GABRG3: variants seen among roughly 807,000 people sequenced by gnomAD.
GABRG3 encodes the protein gamma-aminobutyric acid type A receptor subunit gamma3.
GABRG3 carries 25 observed loss-of-function variants against 48.8 expected under a neutral mutation model. The observed-to-expected ratio is 0.51, with a 90% CI of 0.37 to 0.72. The LOEUF (loss-of-function observed/expected upper bound fraction) is 0.72, where lower values mean the gene tolerates loss of function less well. GABRG3 is among the 30% of genes least tolerant of loss of function. The pLI, the probability that GABRG3 is intolerant of heterozygous loss-of-function variation, is 0.00. For missense variants in GABRG3, 394 were observed against 577.9 expected (o/e 0.68, Z 3.26); for synonymous variants, 227 against 217.6 (o/e 1.04, Z -0.38).
chr15:27,336,234 G>GAAAGAAA (rs1555372729), intron 5 of GABRG3, among the ~76,000 whole-genome samples: 1 of 141,056 alleles, frequency 7.1e-6, no homozygotes, highest in Non-Finnish European at 1.5e-5. Context: ...GAGAGAGAGA[G>GAAAGAAA]GAGAAGAAAA....
intron 3 of GABRG3, among the ~76,000 whole-genome samples, chr15:27,183,649 G>A (rs530677092): frequency 6.6e-6 from 1 of 152,314 alleles, no homozygotes; most frequent in East Asian, 1.9e-4. Flanking sequence ...TAATGCACAA[G>A]CATACATTTC....
chr15:27,107,852 T>C (rs953090472), intron 3 of GABRG3, among the ~76,000 whole-genome samples: 4 of 151,818 alleles, frequency 2.6e-5, no homozygotes, highest in African/African-American at 9.7e-5. Flanking sequence ...ATTTATCAAA[T>C]TTGCATAGAA....
chr15:26,985,625 C>G (rs2140641856), intron 2 of GABRG3, among the ~76,000 whole-genome samples: 1 of 152,114 alleles, frequency 6.6e-6, no homozygotes, highest in East Asian at 1.9e-4. Flanking sequence ...ATTGGATTAG[C>G]CAGTGGAAAG....
chr15:27,017,459 G>T (rs979884816), intron 2 of GABRG3, among the ~76,000 whole-genome samples: 1 of 152,140 alleles, frequency 6.6e-6, no homozygotes, highest in African/African-American at 2.4e-5. Context: ...TCTGGTGGTA[G>T]AACAAACCCT....
chr15:27,344,252 A>G (rs779946899), intron 5 of GABRG3, among the ~76,000 whole-genome samples: 16 of 152,224 alleles, frequency 1.1e-4, no homozygotes, highest in Non-Finnish European at 7.3e-5. Flanking sequence ...TATCAGAGAC[A>G]CTGGGGCCAA....
chr15:26,976,178 T>A lies in GABRG3; in HGVS notation c.54-824T>A, dbSNP rs1402254369. ...TCCTGAGGCCTCTCCATTCAGGCACTCCTGTCAGTGTGTGTCACACGGGAG... is the reference window on the plus strand; with the variant it reads ...TCCTGAGGCCTCTCCATTCAGGCACACCTGTCAGTGTGTGTCACACGGGAG... On this transcript the variant is annotated intron_variant, in intron 1 of 9. Coordinates refer to ENST00000615808, the MANE Select transcript of GABRG3 (RefSeq NM_033223.5). This position sits in a 1 kb window ranked among gnomAD's most constrained non-coding sequence, Gnocchi z 7.8. Among the ~76,000 whole-genome samples the A allele has an allele frequency of 6.6e-6, 1 of 150,720 alleles. No homozygotes were observed. Among genetic ancestry groups the A allele is most frequent in the Non-Finnish European group, 1.5e-5 (1 of 67,866 alleles).
At chr15:27,445,470 C>T (rs1888915792) in intron 5 of GABRG3, among the ~76,000 whole-genome samples, 1 of 152,148 alleles carries the variant, frequency 6.6e-6, no homozygotes. Flanking sequence ...TATTGGCCAC[C>T]TGTACATCTT....
At chr15:26,972,303 C>T (rs1221734671) in intron 1 of GABRG3, among the ~76,000 whole-genome samples, 1 of 152,172 alleles carries the variant, frequency 6.6e-6, no homozygotes. Flanking sequence ...CCTCCCAGTA[C>T]ACCAACCGGC....
chr15:27,451,776 A>AACTAC (rs1442901352), intron 5 of GABRG3, among the ~76,000 whole-genome samples: 1 of 152,198 alleles, frequency 6.6e-6, no homozygotes, highest in Non-Finnish European at 1.5e-5. Context: ...AATATCTGCA[A>AACTAC]ACTACACACC....
intron 5 of GABRG3, 124 bp from the exon 6 acceptor site, chr15:27,480,526 G>A: frequency 2.3e-6 from 2 of 864,058 alleles, no homozygotes; most frequent in Non-Finnish European, 1.7e-6. Context: ...AAAATTGAGA[G>A]TGCACATATG....
In GABRG3 at chr15:27,537,904, A is replaced by C. The variant is rs1464137884; in HGVS notation, c.*5023A>C. ...GCCCAGGCTGGAGTGCAGTGGCGCC[A>C]TCTCGGCTCACTGCAACCTCCACCT... On this transcript the variant is annotated 3_prime_UTR_variant, in exon 10 of 10. Transcript: ENST00000615808. The C allele has an allele frequency of 3.3e-5, 5 of 151,776 alleles. No individual in the cohort carries two copies. Among genetic ancestry groups the C allele is most frequent in the African/African-American group, 1.2e-4 (5 of 41,330 alleles). The allele number at this position is 151,776 out of a possible 1,614,324, so 9.4% of individuals were successfully genotyped here.
chr15:27,015,066 T>C (rs992737044), intron 2 of GABRG3, among the ~76,000 whole-genome samples: 3 of 152,342 alleles, frequency 2.0e-5, no homozygotes, highest in East Asian at 1.9e-4. Flanking sequence ...ATCTCTTTTG[T>C]CCAATACAAA....
intron 3 of GABRG3, among the ~76,000 whole-genome samples, chr15:27,065,243 G>A (rs1896717982): frequency 6.6e-6 from 1 of 152,200 alleles, no homozygotes; most frequent in Non-Finnish European, 1.5e-5. Context: ...ATGGATGCAG[G>A]AATTCTGCTT....
chr15:27,237,352 G>C (rs956535526), intron 3 of GABRG3, among the ~76,000 whole-genome samples: 1 of 152,228 alleles, frequency 6.6e-6, no homozygotes, highest in Non-Finnish European at 1.5e-5. Context: ...CTGGAGTCAT[G>C]CAAACTAGAA....
At chr15:27,059,952 C>T (rs2140721494) in intron 3 of GABRG3, among the ~76,000 whole-genome samples, 1 of 152,194 alleles carries the variant, frequency 6.6e-6, no homozygotes, top group East Asian at 1.9e-4. Flanking sequence ...ACAATGTTCT[C>T]TTTTTAGATT....
At chr15:27,161,376 T>G (rs956687719) in intron 3 of GABRG3, 1 of 152,144 alleles carries the variant, frequency 6.6e-6, no homozygotes, top group African/African-American at 2.4e-5. Context: ...CTGTTCTCCT[T>G]GCCCCCCAAG....
chr15:27,281,892 CT>C, intron 3 of GABRG3, among the ~76,000 whole-genome samples: 1 of 152,088 alleles, frequency 6.6e-6, no homozygotes, highest in East Asian at 1.9e-4. Context: ...TATTCCCTTT[CT>C]GTTTGATAAA....
chr15:27,334,916 T>C (rs1720303841), intron 5 of GABRG3, among the ~76,000 whole-genome samples: 1 of 152,194 alleles, frequency 6.6e-6, no homozygotes, highest in African/African-American at 2.4e-5. Context: ...GTGAAAACTT[T>C]TGGTCTACCA....
chr15:27,472,292 G>T (rs913644629), intron 5 of GABRG3, among the ~76,000 whole-genome samples: 17 of 151,306 alleles, frequency 1.1e-4, no homozygotes, highest in African/African-American at 4.1e-4. Flanking sequence ...CTTTCTTTTT[G>T]GAAAATGGAG....
Sources: gnomAD v4.1 joint callset for allele counts (sites outside exome capture counted in the v4.1 genomes callset) on GRCh38, gnomAD v4.1.1 for gene constraint, Gnocchi (gnomAD v3.1) non-coding constraint, MANE v1.5 for transcripts, NCBI Gene and HGNC (gene_info 2026-07-23, HGNC 2026-07-21) for gene names.